The following RCL1 variants were observed in gnomAD, a reference collection of about 807,000 sequenced individuals.
The protein encoded by RCL1 is RNA 3'-terminal phosphate cyclase-like protein.
In RCL1, 24 loss-of-function variants were observed where a neutral mutation model predicts 42.4. The observed-to-expected ratio is 0.57, with a 90% CI of 0.41 to 0.80. RCL1 has a LOEUF of 0.80. Among genes scored for constraint, RCL1 ranks in the 30% least tolerant of loss-of-function variants. The pLI is 0.00. For synonymous variants in RCL1, 228 were observed against 177.3 expected, an observed-to-expected ratio of 1.29 and a Z score of -2.27; for missense variants, 578 against 467.9, an observed-to-expected ratio of 1.24 and a Z score of -2.17.
chr9:4,818,442 T>C (rs1369699502), intron 1 of RCL1, among the ~76,000 whole-genome samples: 9 of 152,196 alleles, frequency 5.9e-5, no homozygotes, highest in African/African-American at 2.2e-4. Context: ...AACATACATA[T>C]TTGCAAGTGA....
At position 4,834,264 on chromosome 9, in the gene RCL1, G is replaced by A. The variant is rs750168003; in HGVS notation, c.583G>A (p.Ala195Thr). 6 of 1,608,870 alleles carry A rather than the reference G, an allele frequency of 3.7e-6. No individual in the cohort carries two copies. The highest frequency in any genetic ancestry group is 2.2e-5 in the East Asian group (1 of 44,786). The change falls in exon 5 of 9, where the codon GCG becomes ACG. Residue 195 changes from alanine (A) to threonine (T), a missense_variant and splice_region_variant. By Grantham distance (58) the Ala-to-Thr change is moderately conservative. Coordinates refer to ENST00000381750, the MANE Select transcript of RCL1 (RefSeq NM_005772.5). ...AAAAATCAAACGTATTAGAGGAATG[G>A]CGTATCCTTTCCATTTATTTGGATT... ...PGKIKRIRGM[A>T]YSVRVSPQMA...
At chr9:4,827,925 G>A (rs910518652) in intron 3 of RCL1, among the ~76,000 whole-genome samples, 29 of 152,164 alleles carry the variant, frequency 1.9e-4, no homozygotes, top group African/African-American at 6.7e-4. Flanking sequence ...AGTGGCTTAC[G>A]CCTGTAATCC....
chr9:4,832,612 A>G (rs915672959), intron 3 of RCL1, among the ~76,000 whole-genome samples: 42 of 151,980 alleles, frequency 2.8e-4, no homozygotes, highest in Non-Finnish European at 5.1e-4. Flanking sequence ...GATTGAGACC[A>G]TCCTGGCCAA....
At chr9:4,821,001 A>T (rs1816578462) in intron 1 of RCL1, among the ~76,000 whole-genome samples, 1 of 152,168 alleles carries the variant, frequency 6.6e-6, no homozygotes, top group Non-Finnish European at 1.5e-5. Context: ...GATCCATTAA[A>T]TTAACTATAA....
chr9:4,817,614 CT>C (rs1185633786), intron 1 of RCL1, among the ~76,000 whole-genome samples: 1 of 151,982 alleles, frequency 6.6e-6, no homozygotes, highest in Non-Finnish European at 1.5e-5. Context: ...CCCTGCCCCC[CT>C]GAGTAGCTGG....
intron 7 of RCL1, among the ~76,000 whole-genome samples, chr9:4,846,717 A>G (rs774215646): frequency 3.5e-4 from 54 of 152,140 alleles, no homozygotes; most frequent in Admixed American, 3.3e-4. Context: ...TTTCTAATAG[A>G]CCTTGGGAGA....
chr9:4,805,114 A>G (rs1296874276), intron 1 of RCL1: 2 of 152,542 alleles, frequency 1.3e-5, no homozygotes, highest in African/African-American at 4.8e-5. Context: ...GGGTATCTCA[A>G]AGCCAATGAA....
chr9:4,820,355 A>T (rs561993169), intron 1 of RCL1, among the ~76,000 whole-genome samples: 1 of 152,174 alleles, frequency 6.6e-6, no homozygotes, highest in Admixed American at 6.5e-5. Flanking sequence ...TGATGGAGTC[A>T]TATCTTCACT....
intron 1 of RCL1, among the ~76,000 whole-genome samples, chr9:4,799,256 G>C (rs1162585382): frequency 6.6e-6 from 1 of 151,888 alleles, no homozygotes; most frequent in African/African-American, 2.4e-5. Context: ...TTACAGGCAA[G>C]AGCCACAGTG....
At chr9:4,846,112 C>G (rs1014921426) in intron 7 of RCL1, among the ~76,000 whole-genome samples, 2 of 152,170 alleles carry the variant, frequency 1.3e-5, no homozygotes, top group Non-Finnish European at 2.9e-5. Flanking sequence ...CAGTGGAAAA[C>G]AGCTTATATT....
At chr9:4,797,011 A>T (rs1265060679) in intron 1 of RCL1, among the ~76,000 whole-genome samples, 2 of 152,120 alleles carry the variant, frequency 1.3e-5, no homozygotes, top group Non-Finnish European at 2.9e-5. Flanking sequence ...CTGAGGTAAA[A>T]TCCTTAATTT....
intron 1 of RCL1, among the ~76,000 whole-genome samples, chr9:4,801,347 C>T (rs1370025476): frequency 6.6e-6 from 1 of 151,926 alleles, no homozygotes; most frequent in African/African-American, 2.4e-5. Flanking sequence ...AATATTTTAA[C>T]TTTTTGTAGA....
At chr9:4,848,146 A>G (rs980160022) in intron 7 of RCL1, among the ~76,000 whole-genome samples, 2 of 152,220 alleles carry the variant, frequency 1.3e-5, no homozygotes, top group African/African-American at 4.8e-5. Context: ...AGGGAGCAAG[A>G]TCTATAAAAC....
At chr9:4,836,096 G>A (rs1388581963) in intron 5 of RCL1, among the ~76,000 whole-genome samples, 5 of 152,118 alleles carry the variant, frequency 3.3e-5, no homozygotes, top group Non-Finnish European at 5.9e-5. Flanking sequence ...CTTCACAGGG[G>A]AGCATCATAA....
intron 6 of RCL1, 86 bp from the exon 7 acceptor site, chr9:4,844,439 A>G: frequency 9.5e-7 from 1 of 1,051,978 alleles, no homozygotes; most frequent in Non-Finnish European, 1.4e-6. Context: ...CGTCAAAAAA[A>G]ATGTTTGTCT....
intron 1 of RCL1, among the ~76,000 whole-genome samples, chr9:4,806,223 T>C (rs929747091): frequency 6.6e-6 from 1 of 152,126 alleles, no homozygotes; most frequent in African/African-American, 2.4e-5. Flanking sequence ...TATGTACGCC[T>C]TTTATTTCCT....
chr9:4,805,854 A>T (rs894043809), intron 1 of RCL1, among the ~76,000 whole-genome samples: 3 of 152,098 alleles, frequency 2.0e-5, no homozygotes, highest in Admixed American at 2.0e-4. Flanking sequence ...CAGAGTCTTT[A>T]TTTCTTTTGT....
chr9:4,845,714 G>T (rs1817489179), intron 7 of RCL1, among the ~76,000 whole-genome samples: 1 of 152,186 alleles, frequency 6.6e-6, no homozygotes, highest in South Asian at 2.1e-4. Flanking sequence ...CTGAAGGATG[G>T]TCGTTTCTCT....
intron 6 of RCL1, among the ~76,000 whole-genome samples, chr9:4,842,372 A>G (rs1817361623): frequency 1.3e-5 from 2 of 152,180 alleles, no homozygotes; most frequent in African/African-American, 4.8e-5. Flanking sequence ...TGAGTGTTTT[A>G]TACAACCTTT....
Sources: allele counts gnomAD v4.1 joint callset (sites outside exome capture counted in the v4.1 genomes callset), GRCh38; gene constraint gnomAD v4.1.1; transcripts MANE v1.5; gene names NCBI Gene and HGNC (gene_info 2026-07-23, HGNC 2026-07-21).